Variants in FEZ1 observed in about 807,000 individuals in gnomAD.
FEZ1 encodes fasciculation and elongation protein zeta 1, also known as fasciculation and elongation protein zeta-1.
Under a neutral mutation model 49.3 loss-of-function variants are expected in FEZ1, and 20 were observed. The ratio of observed to expected loss-of-function variants is 0.41; its 90% CI spans 0.29 to 0.59. The LOEUF is 0.59. Among genes scored for constraint, FEZ1 ranks in the 20% least tolerant of loss-of-function variants. The pLI is 0.36. For missense variants in FEZ1, 413 were observed against 476.0 expected (o/e 0.87, Z 1.23); for synonymous variants, 170 against 180.9 (o/e 0.94, Z 0.48).
Position 125,489,785 on chromosome 11 carries a change from C to T in FEZ1, c.-8G>A. Reference sequence around the variant, plus strand: ...CACCAGTGGGGCCTCCATTCTTGCTCAGCAGGAGAACAACAGCGACTTTCA... The same window carrying T: ...CACCAGTGGGGCCTCCATTCTTGCTTAGCAGGAGAACAACAGCGACTTTCA... On this transcript the variant is annotated 5_prime_UTR_variant, in exon 2 of 10. Transcript: ENST00000278919. The surrounding 1 kb of genome is among the most constrained non-coding windows in gnomAD (Gnocchi z 4.2). The T allele has an allele frequency of 6.6e-7, 1 of 1,524,906 alleles. No homozygotes were observed. The highest frequency in any genetic ancestry group is 2.3e-5 in the East Asian group (1 of 44,056). 94.5% of individuals were successfully genotyped at this position (1,524,906 alleles called of 1,614,324 possible).
chr11:125,482,932 T>G (rs1957295946), intron 2 of FEZ1, among the ~76,000 whole-genome samples: 1 of 134,698 alleles, frequency 7.4e-6, no homozygotes, highest in African/African-American at 2.8e-5. Context: ...GAGCCATGAT[T>G]GTGTCACTGC....
chr11:125,453,092 G>A (rs1302266173), intron 7 of FEZ1: 1 of 152,186 alleles, frequency 6.6e-6, no homozygotes, highest in Non-Finnish European at 1.5e-5. Context: ...CAAGTAGCTG[G>A]GATTACAGGT....
In FEZ1 at chr11:125,455,988, A is replaced by C. The variant is rs767386681; in HGVS notation, c.786T>G (p.Phe262Leu). The change falls in exon 6 of 10, where the codon TTT becomes TTG. Residue 262 changes from phenylalanine (F) to leucine (L), a missense_variant. Phe to Leu is a conservative substitution (Grantham distance 22, BLOSUM62 0). Coordinates refer to ENST00000278919, the MANE Select transcript of FEZ1 (RefSeq NM_005103.5). ...QQLARRDELE[F>L]EKEVKNSFIT... ...TAAAGGAGTTCTTCACTTCCTTCTC[A>C]AACTCCAGCTCGTCCCGGCGGGCCA... 2 of 1,613,478 alleles carry C rather than the reference A, an allele frequency of 1.2e-6. No homozygotes were observed. The highest frequency in any genetic ancestry group is 1.7e-6 in the Non-Finnish European group (2 of 1,179,982).
Position 125,444,602 on chromosome 11 carries a change from G to A in FEZ1, c.*1493C>T, listed in dbSNP as rs1007824239. Among the ~76,000 whole-genome samples the A allele has an allele frequency of 6.6e-5, 10 of 151,916 alleles. No homozygotes were observed. The highest frequency in any genetic ancestry group is 2.2e-4 in the African/African-American group (9 of 41,388). On this transcript the variant is annotated 3_prime_UTR_variant, in exon 10 of 10. Coordinates refer to ENST00000278919, the MANE Select transcript of FEZ1 (RefSeq NM_005103.5). ...CTCCGTCTGAAAAAAAAAAAGCAGA[G>A]GCCCAGGAAGGGAGGCAGGGCACTG... is the stretch of plus-strand genomic sequence containing the variant.
At chr11:125,471,237 G>A (rs1233997258) in intron 3 of FEZ1, among the ~76,000 whole-genome samples, 2 of 151,920 alleles carry the variant, frequency 1.3e-5, no homozygotes, top group Non-Finnish European at 2.9e-5. Flanking sequence ...AAGACAATAC[G>A]CTCCAACACA....
At chr11:125,491,833 C>T (rs778658825) in intron 1 of FEZ1, among the ~76,000 whole-genome samples, 4 of 152,154 alleles carry the variant, frequency 2.6e-5, no homozygotes, top group Admixed American at 2.6e-4. Flanking sequence ...ATGATAGGAC[C>T]TTTGAATACA....
chr11:125,449,461 G>GA (rs111263769), intron 8 of FEZ1, among the ~76,000 whole-genome samples: 21 of 67,666 alleles, frequency 3.1e-4, no homozygotes, highest in African/African-American at 1.1e-3. Context: ...AGGAAGAAAA[G>GA]AAAAATAAGA....
intron 3 of FEZ1, among the ~76,000 whole-genome samples, chr11:125,464,418 T>C (rs1018469830): frequency 1.3e-5 from 2 of 152,114 alleles, no homozygotes; most frequent in Non-Finnish European, 2.9e-5. Context: ...GAAGTCTGAT[T>C]TGAACGTCAT....
intron 1 of FEZ1, among the ~76,000 whole-genome samples, chr11:125,490,347 A>C (rs1957369472): frequency 6.6e-6 from 1 of 152,156 alleles, no homozygotes; most frequent in Admixed American, 6.5e-5. Flanking sequence ...TCATGGCTTT[A>C]ATTTATCCCA....
At chr11:125,488,854 A>G (rs1178889843) in intron 2 of FEZ1, 2 of 985,116 alleles carry the variant, frequency 2.0e-6, no homozygotes, top group African/African-American at 1.7e-5. Context: ...TTTCTTGACT[A>G]CTATTAAGAC....
At chr11:125,467,079 G>A (rs1276108583) in intron 3 of FEZ1, among the ~76,000 whole-genome samples, 1 of 149,704 alleles carries the variant, frequency 6.7e-6, no homozygotes, top group African/African-American at 2.5e-5. Context: ...TGTCACACAA[G>A]CTGGAATGCA....
At chr11:125,478,173 C>T (rs576375173) in intron 3 of FEZ1, among the ~76,000 whole-genome samples, 6 of 152,188 alleles carry the variant, frequency 3.9e-5, no homozygotes, top group East Asian at 3.9e-4. Context: ...CCAGGTGTGG[C>T]GGCTCACACC....
intron 2 of FEZ1, chr11:125,488,768 C>T: frequency 1.0e-6 from 1 of 985,352 alleles, no homozygotes; most frequent in Non-Finnish European, 1.2e-6. Flanking sequence ...CCTAAGACAT[C>T]CTTCTTTAAT....
chr11:125,454,130 C>T lies in FEZ1; in HGVS notation c.1020G>A (p.Gln340=), dbSNP rs777457760. 2 of 1,611,630 alleles carry T rather than the reference C, an allele frequency of 1.2e-6. No homozygotes were observed. Among genetic ancestry groups the T allele is most frequent in the African/African-American group, 2.7e-5 (2 of 74,842 alleles). The change falls in exon 7 of 10, where the codon CAG becomes CAA. Residue 340 remains glutamine (Q), a splice_region_variant and synonymous_variant. Coordinates refer to ENST00000278919, the MANE Select transcript of FEZ1 (RefSeq NM_005103.5). ...QTFGSSGTDK[Q]YLNTVIPYEK... ...CTTGGAGCAGGGAGACTACGCGTAC[C>T]TGTTTGTCAGTTCCTGAGGAGCCAA...
chr11:125,475,273 A>AAC (rs754050872), intron 3 of FEZ1, among the ~76,000 whole-genome samples: 23 of 86,034 alleles, frequency 2.7e-4, no homozygotes, highest in Non-Finnish European at 4.0e-4. Flanking sequence ...CTGTCTCAAA[A>AAC]ATACACACAC....
rs1248776353 is a variant in FEZ1, at chr11:125,495,546, C to T, written c.-46+575G>A. 8.5e-6 allele frequency: 4 copies of T among 471,018 alleles called. No individual in the cohort carries two copies. The highest frequency in any genetic ancestry group is 8.0e-5 in the African/African-American group (4 of 50,084). The allele number at this position is 471,018 out of a possible 1,614,324, so 29.2% of individuals were successfully genotyped here. ...GCGTCTGCGGCCGCTGCCAGCGGTT[C>T]TGACACTGCAGGAATGCGCGGTCTG... On this transcript the variant is annotated intron_variant, in intron 1 of 9. Coordinates refer to ENST00000278919, the MANE Select transcript of FEZ1 (RefSeq NM_005103.5). This position sits in a 1 kb window ranked among gnomAD's most constrained non-coding sequence, Gnocchi z 4.2.
In FEZ1 at chr11:125,455,340, G is replaced by A. The variant is rs76817740; in HGVS notation, c.939+495C>T. 319 of 155,418 alleles carry A rather than the reference G, an allele frequency of 2.1e-3. 10 individuals carry two copies. The East Asian group carries it at 0.041, about 20-fold the overall frequency. The allele number at this position is 155,418 out of a possible 1,614,324, so 9.6% of individuals were successfully genotyped here. A position where few individuals can be genotyped will look rare whatever the true frequency, so the allele number is the denominator to read the frequency against. ...CAGGAGGCGGAGGTTGCAGTGAGCC[G>A]AGATGGTACCATTGCACTCCAGCCT... is the stretch of plus-strand genomic sequence containing the variant. On this transcript the variant is annotated intron_variant, in intron 6 of 9. Coordinates refer to ENST00000278919, the MANE Select transcript of FEZ1 (RefSeq NM_005103.5).
chr11:125,455,368 G>C (rs1330629677), intron 6 of FEZ1: 1 of 160,140 alleles, frequency 6.2e-6, no homozygotes, highest in Non-Finnish European at 1.4e-5. Context: ...TCCAGCCTGG[G>C]CAAAAGAGTG....
chr11:125,455,557 T>C (rs1374904506), intron 6 of FEZ1: 2 of 478,162 alleles, frequency 4.2e-6, no homozygotes, highest in Middle Eastern at 4.5e-4. Context: ...ATACCCTCAC[T>C]CCACTTTCTT....
Sources: allele counts gnomAD v4.1 joint callset (sites outside exome capture counted in the v4.1 genomes callset), GRCh38; gene constraint gnomAD v4.1.1; non-coding constraint Gnocchi (gnomAD v3.1); transcripts MANE v1.5; gene names NCBI Gene and HGNC (gene_info 2026-07-23, HGNC 2026-07-21).